AP1G2: variants seen among roughly 807,000 people sequenced by gnomAD.
AP1G2 encodes adaptor related protein complex 1 subunit gamma 2, also known as AP-1 complex subunit gamma-like 2.
A neutral mutation model predicts 95.8 loss-of-function variants in AP1G2; 85 were observed. That is an observed-to-expected ratio of 0.89 (90% CI 0.74 to 1.06). The LOEUF is 1.06. Among genes scored for constraint, AP1G2 ranks in the 50% least tolerant of loss-of-function variants. The pLI is 0.00. For synonymous variants in AP1G2, 378 were observed against 400.0 expected (o/e 0.94, Z 0.66); for missense variants, 967 against 1,005.8 (o/e 0.96, Z 0.52).
rs1391261768 is a variant in AP1G2, at chr14:23,567,574, T to C, written c.-6+165A>G. On this transcript the variant is annotated intron_variant, in intron 1 of 21. Transcript: ENST00000397120. This position sits in a 1 kb window ranked among gnomAD's most constrained non-coding sequence, Gnocchi z 5.3. ...CATGCGCGGGAGCCCCACCTATTTC[T>C]CTCTACCGTTTCCTCCCCCTACCTG... The C allele has an allele frequency of 3.1e-6, 4 of 1,285,996 alleles. No homozygotes were observed. Among genetic ancestry groups the C allele is most frequent in the Non-Finnish European group, 3.9e-6 (4 of 1,019,080 alleles). 79.7% of individuals were successfully genotyped at this position (1,285,996 alleles called of 1,614,324 possible).
chr14:23,565,173 GATCCGAAGCAGACGAAGT>G lies in AP1G2; in HGVS notation c.750_767del (p.Arg252_Leu257del), dbSNP rs1264918514. The G allele has an allele frequency of 1.2e-6, 2 of 1,614,112 alleles. No homozygotes were observed. The highest frequency in any genetic ancestry group is 1.7e-6 in the Non-Finnish European group (2 of 1,180,046). On this transcript the variant is annotated inframe_deletion, in exon 8 of 22. Coordinates refer to ENST00000397120, the MANE Select transcript of AP1G2 (RefSeq NM_003917.5). The stretch of plus-strand genomic sequence containing the variant: ...TGCTCTCCTCGTGGTTCCGGCCCAG[GATCCGAAGCAGACGAAGT>G]ATCTGGACCTGAGGTTGGGTTGAAA...
intron 7 of AP1G2, 171 bp from the exon 8 acceptor site, chr14:23,565,370 C>A: frequency 1.3e-6 from 1 of 756,478 alleles, no homozygotes. Flanking sequence ...GTGTGTGAGG[C>A]CAGGGGAGTT....
chr14:23,561,546 A>G lies in AP1G2; in HGVS notation c.1823T>C (p.Leu608Pro), dbSNP rs1333197537. The change falls in exon 18 of 22, where the codon CTT (leucine) becomes CCT (proline). Residue 608 changes from leucine to proline, a missense_variant. Coordinates refer to ENST00000397120, the MANE Select transcript of AP1G2 (RefSeq NM_003917.5). ...TGTGGGCACTGGGGCTGCTTCTGAA[A>G]GCTGGGCTGCTTCTTTGCTTTCCTT... is the stretch of plus-strand genomic sequence containing the variant. ...EAKESKEAAQ[L>P]SEAAPVPTEP... 1 of 1,614,132 alleles carries G rather than the reference A, an allele frequency of 6.2e-7. No homozygotes were observed. Among genetic ancestry groups the G allele is most frequent in the Admixed American group, 1.7e-5 (1 of 60,012 alleles).
Position 23,559,982 on chromosome 14 carries a change from C to T in AP1G2, c.2212G>A (p.Gly738Ser), listed in dbSNP as rs1018208224. 4.3e-6 allele frequency: 7 copies of T among 1,613,122 alleles called. No individual in the cohort carries two copies. In the African/African-American group the frequency reaches 9.3e-5, roughly 22 times the overall value. Residue 738 changes from glycine (G) to serine (S), a missense_variant, in exon 21 of 22, where the codon GGC becomes AGC. Gly to Ser is a moderately conservative substitution (Grantham distance 56). Coordinates refer to ENST00000397120, the MANE Select transcript of AP1G2 (RefSeq NM_003917.5). ...CTGAAGAGCTGGGTGATAGGAAGGC[C>T]ACCCCGAGCTGGAACTGTGTTCCCA... ...PSGNTVPARG[G>S]LPITQLFRIL...
At chr14:23,566,254 G>A (rs775947174) in intron 4 of AP1G2, 24 bp downstream of exon 4, 2 of 1,612,796 alleles carry the variant, frequency 1.2e-6, no homozygotes, top group South Asian at 1.1e-5. Flanking sequence ...GCAGGAGCAC[G>A]TGCCAGGAGT....
chr14:23,561,775 T>A (rs963676712), intron 17 of AP1G2, 140 bp from the exon 18 acceptor site: 30 of 1,467,766 alleles, frequency 2.0e-5, no homozygotes, highest in Non-Finnish European at 2.7e-5. Context: ...AAATGACATG[T>A]TGTTGCTGAT....
intron 2 of AP1G2, 167 bp from the exon 3 acceptor site, chr14:23,566,853 G>T: frequency 1.5e-5 from 16 of 1,037,284 alleles, no homozygotes; most frequent in Non-Finnish European, 2.2e-5. Context: ...TTAGTGGGTA[G>T]GAGGAACTAG....
chr14:23,566,038 A>G (rs1445404417), intron 5 of AP1G2, 26 bp downstream of exon 5: 1 of 1,614,110 alleles, frequency 6.2e-7, no homozygotes. Context: ...ACCTGAAGCA[A>G]AGGATGGGGG....
chr14:23,559,940 T>C lies in AP1G2; in HGVS notation c.2254A>G (p.Lys752Glu). ...TTGGGGGAACTCCTGAAGCTCACCT[T>C]GTTAGGATTGAGGATTCTGAAGAGC... ...TQLFRILNPN[K>E]APLRLKLRLT... Residue 752 changes from lysine (K) to glutamate (E), a missense_variant and splice_region_variant, in exon 21 of 22, where the codon AAG becomes GAG. Lys to Glu is a moderately conservative substitution (Grantham distance 56, BLOSUM62 1). Transcript: ENST00000397120. The C allele has an allele frequency of 6.2e-7, 1 of 1,612,686 alleles. No homozygotes were observed. Among genetic ancestry groups the C allele is most frequent in the Non-Finnish European group, 8.5e-7 (1 of 1,178,970 alleles).
chr14:23,563,724 A>G lies in AP1G2; in HGVS notation c.1224T>C (p.Ala408=), dbSNP rs1886310294. The change falls in exon 12 of 22, where the codon GCT becomes GCC. Residue 408 remains alanine, a synonymous_variant. Transcript: ENST00000397120. The part of the protein sequence containing the change: ...RADCASGILL[A]AERFAPTKRW... ...ACTCCTGGGCACCTCACCTCTCTGC[A>G]GCCAGCAGGATGCCTGAGGCACAGT... 1.2e-6 allele frequency: 2 copies of G among 1,614,182 alleles called. No homozygotes were observed. Among genetic ancestry groups the G allele is most frequent in the African/African-American group, 1.3e-5 (1 of 75,052 alleles).
intron 13 of AP1G2, 36 bp from the exon 14 acceptor site, chr14:23,563,538 A>C: frequency 6.2e-7 from 1 of 1,614,212 alleles, no homozygotes; most frequent in Non-Finnish European, 8.5e-7. Flanking sequence ...CAGTGTGGTG[A>C]ATCTTGACCA....
chr14:23,561,839 T>C, intron 17 of AP1G2, 123 bp downstream of exon 17: 2 of 1,472,538 alleles, frequency 1.4e-6, no homozygotes, highest in South Asian at 2.8e-5. Flanking sequence ...TAACAGTGGG[T>C]GGGAAGCTCT....
Position 23,567,563 on chromosome 14 carries a change from C to T in AP1G2, c.-6+176G>A. 3.8e-6 allele frequency: 5 copies of T among 1,308,738 alleles called. No homozygotes were observed. Among genetic ancestry groups the T allele is most frequent in the Admixed American group, 4.2e-5 (1 of 23,898 alleles). The allele number at this position is 1,308,738 out of a possible 1,614,324, so 81.1% of individuals were successfully genotyped here. ...TTCCTATTGAGCATGCGCGGGAGCC[C>T]CACCTATTTCTCTCTACCGTTTCCT... is the stretch of plus-strand genomic sequence containing the variant. On this transcript the variant is annotated intron_variant, in intron 1 of 21. Transcript: ENST00000397120. This position sits in a 1 kb window ranked among gnomAD's most constrained non-coding sequence, Gnocchi z 5.3.
In AP1G2 at chr14:23,560,091, C is replaced by CT. The variant is rs946722490; in HGVS notation, c.2158-56_2158-55insA. On this transcript the variant is annotated intron_variant, in intron 20 of 21. Coordinates refer to ENST00000397120, the MANE Select transcript of AP1G2 (RefSeq NM_003917.5). ...ATGGCAGTAGGTAGGGCTCAGGCAG[C>CT]CCCTCTATACTCAGTGGCTCCACAC... 2.1e-6 allele frequency: 3 copies of CT among 1,423,386 alleles called. No homozygotes were observed. In the African/African-American group the frequency reaches 4.2e-5, roughly 20 times the overall value. 88.2% of individuals were successfully genotyped at this position (1,423,386 alleles called of 1,614,324 possible).
In AP1G2 at chr14:23,563,722, G is replaced by A. The variant is rs770192694; in HGVS notation, c.1226C>T (p.Ala409Val). 27 of 1,614,018 alleles carry A rather than the reference G, an allele frequency of 1.7e-5. No homozygotes were observed. The highest frequency in any genetic ancestry group is 2.2e-5 in the East Asian group (1 of 44,896). ...CGACTCCTGGGCACCTCACCTCTCT[G>A]CAGCCAGCAGGATGCCTGAGGCACA... ...ADCASGILLAAERFAPTKRWH... is the reference protein window; with the variant it reads ...ADCASGILLAVERFAPTKRWH... The change falls in exon 12 of 22, where the codon GCA becomes GTA. Residue 409 changes from alanine (A) to valine (V), a missense_variant. Transcript: ENST00000397120.
At chr14:23,562,703 G>A in intron 14 of AP1G2, 110 bp from the exon 15 acceptor site, 1 of 1,051,094 alleles carries the variant, frequency 9.5e-7, no homozygotes, top group Non-Finnish European at 1.4e-6. Context: ...AGGAGTTCAA[G>A]ACCAGCCTGG....
In AP1G2 at chr14:23,560,235, G is replaced by C. The variant is rs758012732; in HGVS notation, c.2157+20C>G. 2.5e-6 allele frequency: 4 copies of C among 1,612,056 alleles called. No homozygotes were observed. Among genetic ancestry groups the C allele is most frequent in the Non-Finnish European group, 3.4e-6 (4 of 1,179,634 alleles). On this transcript the variant is annotated intron_variant, in intron 20 of 21. Transcript: ENST00000397120. ...CTCCTGGAGTCCCCAGGCCACCTCT[G>C]AACTCTGATCTTTACAAACCTTGGG...
rs371781799 is a variant in AP1G2, at chr14:23,559,735, G to A, written c.*14C>T. On this transcript the variant is annotated 3_prime_UTR_variant, in exon 22 of 22. Transcript: ENST00000397120. ...TTGGGACACAGGAGAATTTCAGGCT[G>A]TGAGTGGAGACAGTTACTGCCACGA... 8 of 1,612,984 alleles carry A rather than the reference G, an allele frequency of 5.0e-6. No individual in the cohort carries two copies. Among genetic ancestry groups the A allele is most frequent in the South Asian group, 1.1e-5 (1 of 90,934 alleles).
At position 23,565,198 on chromosome 14, in the gene AP1G2, A is replaced by T. The variant is rs1174239731; in HGVS notation, c.743T>A (p.Val248Asp). ...ISGVSDPFLQ[V>D]QILRLLRILG... is the part of the protein sequence containing the mutation. ...GATCCGAAGCAGACGAAGTATCTGG[A>T]CCTGAGGTTGGGTTGAAAATGGAAA... The change falls in exon 8 of 22, where the codon GTC becomes GAC. Residue 248 changes from valine to aspartate, a missense_variant and splice_region_variant. By Grantham distance (152) the Val-to-Asp change is radical. Transcript: ENST00000397120. 2.5e-6 allele frequency: 4 copies of T among 1,613,904 alleles called. No homozygotes were observed. The highest frequency in any genetic ancestry group is 3.4e-6 in the Non-Finnish European group (4 of 1,179,970).
Sources: allele counts gnomAD v4.1 joint callset, GRCh38; gene constraint gnomAD v4.1.1; non-coding constraint Gnocchi (gnomAD v3.1); transcripts MANE v1.5; gene names NCBI Gene and HGNC (gene_info 2026-07-23, HGNC 2026-07-21).